KIF26B: variants seen among roughly 807,000 people sequenced by gnomAD.
KIF26B encodes kinesin family member 26B, also known as kinesin-like protein KIF26B.
Under a neutral mutation model 151.2 loss-of-function variants are expected in KIF26B, and 63 were observed. The ratio of observed to expected loss-of-function variants is 0.42; its 90% CI spans 0.34 to 0.51. The LOEUF is 0.51. KIF26B is among the 20% of genes least tolerant of loss of function. KIF26B has a pLI of 0.07. For missense variants in KIF26B, 2,813 were observed against 2,913.6 expected (o/e 0.97, Z 0.79); for synonymous variants, 1,357 against 1,262.1 (o/e 1.08, Z -1.59).
chr1:245,544,856 C>T (rs1272594794), intron 5 of KIF26B, among the ~76,000 whole-genome samples: 2 of 152,152 alleles, frequency 1.3e-5, no homozygotes, highest in Non-Finnish European at 2.9e-5. Flanking sequence ...CGTGCTATCC[C>T]ATCCCTTCCC....
intron 2 of KIF26B, among the ~76,000 whole-genome samples, chr1:245,341,797 G>T (rs139890621): frequency 0.013 from 1,963 of 152,246 alleles, 31 homozygotes; most frequent in African/African-American, 0.045. Context: ...AAGCAGGCTG[G>T]TGGGCAGGGA....
intron 10 of KIF26B, among the ~76,000 whole-genome samples, chr1:245,656,262 G>A (rs1421864098): frequency 1.3e-5 from 2 of 152,144 alleles, no homozygotes; most frequent in African/African-American, 2.4e-5. Flanking sequence ...GAATGGCACA[G>A]AGCGGTGATT....
At chr1:245,444,375 T>C (rs1659200180) in intron 4 of KIF26B, among the ~76,000 whole-genome samples, 1 of 152,228 alleles carries the variant, frequency 6.6e-6, no homozygotes, top group Admixed American at 6.5e-5. Context: ...GCAGAAGCCC[T>C]TGAAGGAGCA....
intron 3 of KIF26B, among the ~76,000 whole-genome samples, chr1:245,402,906 T>A (rs1674041062): frequency 6.6e-6 from 1 of 152,212 alleles, no homozygotes; most frequent in African/African-American, 2.4e-5. Context: ...CCTCCTAGCA[T>A]CTGACACAAC....
chr1:245,618,015 C>A (rs1440137640), intron 9 of KIF26B, among the ~76,000 whole-genome samples: 2 of 152,080 alleles, frequency 1.3e-5, no homozygotes, highest in Admixed American at 6.5e-5. Flanking sequence ...TCTTTTCATG[C>A]TTATGTTTTC....
intron 2 of KIF26B, among the ~76,000 whole-genome samples, chr1:245,326,757 C>T (rs1671998431): frequency 6.6e-6 from 1 of 152,142 alleles, no homozygotes; most frequent in South Asian, 2.1e-4. Flanking sequence ...TTCCTGTGTT[C>T]CTAAGAATCA....
intron 3 of KIF26B, among the ~76,000 whole-genome samples, chr1:245,400,644 G>A (rs904127517): frequency 7.2e-5 from 11 of 152,088 alleles, no homozygotes; most frequent in Admixed American, 6.5e-4. Context: ...ATACATATTA[G>A]AGTTCAAAGA....
At chr1:245,332,735 G>C (rs6679455) in intron 2 of KIF26B, among the ~76,000 whole-genome samples, 39,104 of 152,040 alleles carry the variant, frequency 0.26, 7,497 homozygotes, top group African/African-American at 0.51. Context: ...GTTTGCTGGC[G>C]CCCAGCACTA....
At chr1:245,690,745 G>C (rs6700599) in intron 12 of KIF26B, among the ~76,000 whole-genome samples, 7 of 150,888 alleles carry the variant, frequency 4.6e-5, no homozygotes, top group Admixed American at 2.0e-4. Flanking sequence ...TTGCCTGGGG[G>C]GGGGGTATGC....
chr1:245,243,230 A>G (rs1237126959), intron 2 of KIF26B, among the ~76,000 whole-genome samples: 2 of 152,150 alleles, frequency 1.3e-5, no homozygotes, highest in African/African-American at 4.8e-5. Flanking sequence ...CAAACTTTAA[A>G]TATTTGCCAA....
intron 2 of KIF26B, among the ~76,000 whole-genome samples, chr1:245,193,032 C>A (rs975230870): frequency 2.0e-5 from 3 of 152,182 alleles, no homozygotes; most frequent in Non-Finnish European, 4.4e-5. Context: ...TTGAGACTCA[C>A]CCTTCTCTTA....
At chr1:245,628,612 A>G (rs2043748630) in intron 9 of KIF26B, among the ~76,000 whole-genome samples, 1 of 152,242 alleles carries the variant, frequency 6.6e-6, no homozygotes, top group Non-Finnish European at 1.5e-5. Flanking sequence ...TCTCAAAATA[A>G]TAAGAGCTAT....
intron 9 of KIF26B, among the ~76,000 whole-genome samples, chr1:245,620,013 G>A (rs1394880323): frequency 1.3e-5 from 2 of 152,000 alleles, no homozygotes; most frequent in African/African-American, 4.8e-5. Flanking sequence ...TTTCACGTAA[G>A]CAGATGGTAT....
chr1:245,598,714 C>T (rs780417612), intron 5 of KIF26B, among the ~76,000 whole-genome samples: 9 of 152,044 alleles, frequency 5.9e-5, no homozygotes, highest in Non-Finnish European at 7.3e-5. Flanking sequence ...CCCATGATGC[C>T]GTCCAGAACA....
At chr1:245,424,843 G>C (rs1256393212) in intron 4 of KIF26B, among the ~76,000 whole-genome samples, 3 of 152,208 alleles carry the variant, frequency 2.0e-5, no homozygotes, top group African/African-American at 4.8e-5. Context: ...TGAAGCACCT[G>C]TTCTGTGCTT....
chr1:245,394,768 G>A lies in KIF26B; in HGVS notation c.1000-24811G>A, dbSNP rs565130633. On this transcript the variant is annotated intron_variant, in intron 3 of 14. Coordinates refer to ENST00000407071, the MANE Select transcript of KIF26B (RefSeq NM_018012.4). Reference sequence around the variant, plus strand: ...TGCAATGGCACGATCTCGGCTCACCGCAGTCTCCACCTCCCAGGTTCAAGT... The same window carrying A: ...TGCAATGGCACGATCTCGGCTCACCACAGTCTCCACCTCCCAGGTTCAAGT... Among the ~76,000 whole-genome samples, 167 of 132,108 alleles carry A rather than the reference G, an allele frequency of 1.3e-3. 1 individual carries two copies. Among genetic ancestry groups the A allele is most frequent in the African/African-American group, 3.7e-3 (125 of 33,628 alleles). The allele number at this position is 132,108 out of a possible 152,430, so 86.7% of individuals were successfully genotyped here.
At chr1:245,690,624 G>T (rs1477240983) in intron 12 of KIF26B, among the ~76,000 whole-genome samples, 1 of 152,164 alleles carries the variant, frequency 6.6e-6, no homozygotes, top group Non-Finnish European at 1.5e-5. Flanking sequence ...TTATGATATA[G>T]ACAGCCCCAT....
chr1:245,546,834 T>C (rs1425513080), intron 5 of KIF26B, among the ~76,000 whole-genome samples: 1 of 152,240 alleles, frequency 6.6e-6, no homozygotes, highest in African/African-American at 2.4e-5. Context: ...TTAGCTCTTC[T>C]GGGAAATTAA....
intron 2 of KIF26B, among the ~76,000 whole-genome samples, chr1:245,274,228 T>C (rs1384433676): frequency 6.6e-6 from 1 of 152,186 alleles, no homozygotes; most frequent in African/African-American, 2.4e-5. Flanking sequence ...TATACTTTTG[T>C]CTTTTTTTAA....
Sources: allele counts gnomAD v4.1 joint callset (sites outside exome capture counted in the v4.1 genomes callset), GRCh38; gene constraint gnomAD v4.1.1; transcripts MANE v1.5; gene names NCBI Gene and HGNC (gene_info 2026-07-23, HGNC 2026-07-21).